GRID1: variants seen among roughly 807,000 people sequenced by gnomAD.
GRID1 encodes the protein glutamate ionotropic receptor delta type subunit 1, also known as glutamate receptor ionotropic, delta-1.
Under a neutral mutation model 98.0 loss-of-function variants are expected in GRID1, and 28 were observed. The ratio of observed to expected loss-of-function variants is 0.29; its 90% CI spans 0.21 to 0.39. The LOEUF (loss-of-function observed/expected upper bound fraction) is 0.39. Among genes scored for constraint, GRID1 ranks in the 10% least tolerant of loss-of-function variants. The probability of loss-of-function intolerance (pLI) is 1.00; values close to 1 mark genes in which losing one functional copy is unlikely to be tolerated. For missense variants in GRID1, 1,111 were observed against 1,340.5 expected, an observed-to-expected ratio of 0.83 and a Z score of 2.67; for synonymous variants, 553 against 538.5, an observed-to-expected ratio of 1.03 and a Z score of -0.37.
chr10:85,909,317 C>G (rs1285201182), intron 5 of GRID1, among the ~76,000 whole-genome samples: 2 of 152,168 alleles, frequency 1.3e-5, no homozygotes, highest in South Asian at 4.1e-4. Flanking sequence ...TATGAAGCAA[C>G]TGGAACTCTC....
intron 4 of GRID1, among the ~76,000 whole-genome samples, chr10:86,136,538 C>T (rs74752978): frequency 0.021 from 3,260 of 152,318 alleles, 129 homozygotes; most frequent in African/African-American, 0.074. Context: ...AGTCATTTAA[C>T]ATCTTTAGCT....
intron 8 of GRID1, among the ~76,000 whole-genome samples, chr10:85,764,518 G>C (rs995120376): frequency 3.3e-5 from 5 of 152,184 alleles, no homozygotes. Context: ...AGCCACCTGG[G>C]CTGCTGCAGG....
chr10:86,306,773 T>C (rs1231241621), intron 2 of GRID1, among the ~76,000 whole-genome samples: 1 of 152,210 alleles, frequency 6.6e-6, no homozygotes, highest in African/African-American at 2.4e-5. Context: ...TAAAGAGTCC[T>C]AAGGTACCCT....
At chr10:86,181,205 T>C (rs1466632511) in intron 3 of GRID1, among the ~76,000 whole-genome samples, 1 of 152,230 alleles carries the variant, frequency 6.6e-6, no homozygotes, top group Non-Finnish European at 1.5e-5. Context: ...CTTGGTTAGC[T>C]GCACCCACCC....
At chr10:85,876,650 G>A (rs1843334930) in intron 5 of GRID1, among the ~76,000 whole-genome samples, 1 of 152,222 alleles carries the variant, frequency 6.6e-6, no homozygotes. Context: ...AATAGGAACA[G>A]CTCCGGTCTA....
intron 12 of GRID1, among the ~76,000 whole-genome samples, chr10:85,704,438 A>AC (rs1349455637): frequency 6.6e-6 from 1 of 152,220 alleles, no homozygotes; most frequent in Non-Finnish European, 1.5e-5. Context: ...ATATATATGC[A>AC]CCCAATACAG....
At chr10:86,007,973 A>G (rs1842883535) in intron 4 of GRID1, among the ~76,000 whole-genome samples, 1 of 152,208 alleles carries the variant, frequency 6.6e-6, no homozygotes, top group South Asian at 2.1e-4. Context: ...ATGCTGGTGA[A>G]TACAGAATTC....
At chr10:85,618,258 A>G (rs1842815797) in intron 14 of GRID1, among the ~76,000 whole-genome samples, 1 of 152,082 alleles carries the variant, frequency 6.6e-6, no homozygotes, top group Non-Finnish European at 1.5e-5. Context: ...TGCTTCCATG[A>G]GCGCTGCCTT....
chr10:85,962,394 GA>G, intron 4 of GRID1, among the ~76,000 whole-genome samples: 1 of 152,260 alleles, frequency 6.6e-6, no homozygotes, highest in Non-Finnish European at 1.5e-5. Flanking sequence ...CTAAAAATCA[GA>G]AAAAAGCCCC....
chr10:86,118,977 C>T (rs1277866223), intron 4 of GRID1, among the ~76,000 whole-genome samples: 1 of 152,088 alleles, frequency 6.6e-6, no homozygotes, highest in Non-Finnish European at 1.5e-5. Flanking sequence ...ACAACTAATG[C>T]AATGTGGTAT....
intron 8 of GRID1, among the ~76,000 whole-genome samples, chr10:85,784,408 G>A (rs539726741): frequency 6.6e-6 from 1 of 152,266 alleles, no homozygotes; most frequent in East Asian, 1.9e-4. Context: ...AGGACAATGG[G>A]TCAAGGGAGT....
chr10:85,843,266 C>T (rs1842976386), intron 8 of GRID1, among the ~76,000 whole-genome samples: 1 of 151,884 alleles, frequency 6.6e-6, no homozygotes, highest in Admixed American at 6.6e-5. Flanking sequence ...TCAACCTAAA[C>T]TTCACAATGT....
At chr10:86,234,900 G>T (rs73349961) in intron 2 of GRID1, among the ~76,000 whole-genome samples, 1 of 152,128 alleles carries the variant, frequency 6.6e-6, no homozygotes, top group Non-Finnish European at 1.5e-5. Flanking sequence ...ACCTGCAGGC[G>T]CACTGATGGT....
At chr10:86,334,271 C>T (rs1589452624) in intron 2 of GRID1, among the ~76,000 whole-genome samples, 1 of 152,106 alleles carries the variant, frequency 6.6e-6, no homozygotes, top group Admixed American at 6.5e-5. Context: ...TAAAATAACA[C>T]GTTCCATCTC....
chr10:86,295,620 G>A (rs1847577546), intron 2 of GRID1, among the ~76,000 whole-genome samples: 1 of 152,194 alleles, frequency 6.6e-6, no homozygotes, highest in Non-Finnish European at 1.5e-5. Flanking sequence ...AGAAAGAATG[G>A]CCCGGAGAAA....
intron 4 of GRID1, among the ~76,000 whole-genome samples, chr10:86,128,667 T>A (rs1025398550): frequency 3.1e-4 from 47 of 152,192 alleles, no homozygotes; most frequent in African/African-American, 1.1e-3. Context: ...TCCACCGACC[T>A]AGCAGCAGGT....
intron 12 of GRID1, among the ~76,000 whole-genome samples, chr10:85,684,301 T>G (rs1841243836): frequency 6.6e-6 from 1 of 152,070 alleles, no homozygotes; most frequent in Non-Finnish European, 1.5e-5. Context: ...CTGATAAAGG[T>G]GATAAAAGAA....
chr10:85,800,575 T>C (rs1842566694), intron 8 of GRID1, among the ~76,000 whole-genome samples: 2 of 152,004 alleles, frequency 1.3e-5, no homozygotes, highest in African/African-American at 4.8e-5. Context: ...GCAAAAGTGG[T>C]AATTCGAGGA....
At chr10:85,851,998 T>C (rs1027375604) in intron 8 of GRID1, among the ~76,000 whole-genome samples, 14 of 151,772 alleles carry the variant, frequency 9.2e-5, no homozygotes, top group Admixed American at 6.6e-4. Context: ...CAGCTCTGCC[T>C]CCAAATGCTG....
Sources: allele counts gnomAD v4.1 joint callset (sites outside exome capture counted in the v4.1 genomes callset), GRCh38; gene constraint gnomAD v4.1.1; transcripts MANE v1.5; gene names NCBI Gene and HGNC (gene_info 2026-07-23, HGNC 2026-07-21).